The following DPP8 variants were observed in gnomAD, a reference collection of about 807,000 sequenced individuals.
The protein encoded by DPP8 is dipeptidyl peptidase 8.
DPP8 carries 31 observed loss-of-function variants against 107.5 expected under a neutral mutation model. The ratio of observed to expected loss-of-function variants is 0.29; its 90% CI spans 0.22 to 0.39. DPP8 has a LOEUF of 0.39. DPP8 is among the 10% of genes least tolerant of loss of function. The pLI, the probability that DPP8 is intolerant of heterozygous loss-of-function variation, is 1.00. For synonymous variants in DPP8, 381 were observed against 356.6 expected (o/e 1.07, Z -0.77); for missense variants, 842 against 1,076.1 (o/e 0.78, Z 3.04).
intron 12 of DPP8, among the ~76,000 whole-genome samples, chr15:65,467,586 C>A (rs2065475185): frequency 6.6e-6 from 1 of 152,104 alleles, no homozygotes; most frequent in African/African-American, 2.4e-5. Flanking sequence ...CTATGTTGCC[C>A]AAGCTGGTCT....
At chr15:65,490,113 A>AT (rs60062953) in intron 6 of DPP8, 76 bp downstream of exon 6, 744,267 of 788,096 alleles carry the variant, frequency 0.94, 351,762 homozygotes, top group Admixed American at 0.97. Context: ...AAGATTTAGA[A>AT]CTGTGCACTT....
At chr15:65,453,924 A>G (rs1194797669) in intron 17 of DPP8, among the ~76,000 whole-genome samples, 1 of 152,084 alleles carries the variant, frequency 6.6e-6, no homozygotes, top group Non-Finnish European at 1.5e-5. Context: ...CCTAGCCAAT[A>G]TGGTGAAATC....
intron 1 of DPP8, among the ~76,000 whole-genome samples, chr15:65,513,236 C>A (rs1441913290): frequency 6.8e-6 from 1 of 147,906 alleles, no homozygotes; most frequent in Non-Finnish European, 1.5e-5. Flanking sequence ...TTTTTTGAGA[C>A]GGAGTCTCGC....
chr15:65,474,280 T>C lies in DPP8; in HGVS notation c.1465A>G (p.Lys489Glu). 6.3e-7 allele frequency: 1 copy of C among 1,598,570 alleles called. No homozygotes were observed. The highest frequency in any genetic ancestry group is 8.6e-7 in the Non-Finnish European group (1 of 1,165,996). The change falls in exon 12 of 20, where the codon AAG becomes GAG. Residue 489 changes from lysine to glutamate, a missense_variant. By Grantham distance (56) the Lys-to-Glu change is moderately conservative (BLOSUM62 1). Transcript: ENST00000300141. ...SGGLPAPSDF[K>E]CPIKEEIAIT... ...GCTATCTCCTCTTTGATAGGACACT[T>C]GAAATCACCTGAAGATAAATATAAT... is the stretch of plus-strand genomic sequence containing the variant.
chr15:65,495,629 G>A lies in DPP8; in HGVS notation c.715+2235C>T, dbSNP rs566614125. Reference sequence around the variant, plus strand: ...AAAAACAAACAAACAGGCTGAGCACGGTGGCTCGTGCCTGTAATCCCAGCA... The same window carrying A: ...AAAAACAAACAAACAGGCTGAGCACAGTGGCTCGTGCCTGTAATCCCAGCA... On this transcript the variant is annotated intron_variant, in intron 5 of 19. Coordinates refer to ENST00000300141, the MANE Select transcript of DPP8 (RefSeq NM_130434.5). Among the ~76,000 whole-genome samples the A allele has an allele frequency of 6.7e-5, 10 of 149,916 alleles. No individual in the cohort carries two copies. In the East Asian group the frequency reaches 1.8e-3, roughly 27 times the overall value.
At chr15:65,478,681 T>C (rs892867931) in intron 11 of DPP8, among the ~76,000 whole-genome samples, 199 bp downstream of exon 11, 1 of 152,242 alleles carries the variant, frequency 6.6e-6, no homozygotes, top group African/African-American at 2.4e-5. Flanking sequence ...TAATACTTTA[T>C]AATACGTGTC....
intron 15 of DPP8, among the ~76,000 whole-genome samples, chr15:65,460,050 C>T (rs1197330411): frequency 6.6e-6 from 1 of 152,084 alleles, no homozygotes; most frequent in Non-Finnish European, 1.5e-5. Context: ...TTTAAGCATA[C>T]AATTCAATGA....
At chr15:65,469,020 G>A (rs981833202) in intron 12 of DPP8, among the ~76,000 whole-genome samples, 23 of 152,136 alleles carry the variant, frequency 1.5e-4, no homozygotes, top group African/African-American at 5.6e-4. Flanking sequence ...TCGTTGCCCA[G>A]GCTGGAGTGC....
At chr15:65,498,690 AC>A (rs1394269865) in intron 4 of DPP8, among the ~76,000 whole-genome samples, 9 of 152,272 alleles carry the variant, frequency 5.9e-5, no homozygotes, top group African/African-American at 1.7e-4. Context: ...AATTATTTTT[AC>A]CAATATAAAA....
intron 6 of DPP8, among the ~76,000 whole-genome samples, chr15:65,488,965 T>C (rs1029122250): frequency 3.9e-5 from 6 of 152,286 alleles, no homozygotes; most frequent in Middle Eastern, 3.4e-3. Context: ...TGTGGTTTTT[T>C]GTTTGTTTGT....
At chr15:65,495,317 T>C (rs2068472211) in intron 5 of DPP8, among the ~76,000 whole-genome samples, 2 of 152,148 alleles carry the variant, frequency 1.3e-5, no homozygotes, top group South Asian at 2.1e-4. Context: ...TATAAAACCC[T>C]ATGTCTGGCC....
chr15:65,479,441 T>C (rs2066696715), intron 10 of DPP8, among the ~76,000 whole-genome samples: 1 of 152,224 alleles, frequency 6.6e-6, no homozygotes, highest in Non-Finnish European at 1.5e-5. Flanking sequence ...CAGGTGTTCA[T>C]AGGTGAATCA....
intron 5 of DPP8, among the ~76,000 whole-genome samples, chr15:65,494,600 G>T (rs375099063): frequency 8.0e-6 from 1 of 124,672 alleles, no homozygotes; most frequent in Non-Finnish European, 1.6e-5. Context: ...CTGCAGCCCC[G>T]TGAAGACTGC....
In DPP8 at chr15:65,517,572, C is replaced by T. The variant is rs902072539; in HGVS notation, c.-98G>A. On this transcript the variant is annotated 5_prime_UTR_variant, in exon 1 of 20. Coordinates refer to ENST00000300141, the MANE Select transcript of DPP8 (RefSeq NM_130434.5). ...CATGCTGCGCCGCCTCCACTCCGGT[C>T]CTGGTTGCAGTGGCTTCCTCGGCGG... The T allele has an allele frequency of 4.6e-5, 7 of 152,410 alleles. No homozygotes were observed. The highest frequency in any genetic ancestry group is 8.8e-5 in the Non-Finnish European group (6 of 68,164). The allele number at this position is 152,410 out of a possible 1,614,324, so 9.4% of individuals were successfully genotyped here.
In DPP8 at chr15:65,515,899, T is replaced by C. The variant is rs867272666; in HGVS notation, c.-12+1587A>G. On this transcript the variant is annotated intron_variant, in intron 1 of 19. Coordinates refer to ENST00000300141, the MANE Select transcript of DPP8 (RefSeq NM_130434.5). ...AGTAGTTAAAACTGATACCAAAATATCACTTTTTGGGGCAATATATAATGC... is the reference window on the plus strand; with the variant it reads ...AGTAGTTAAAACTGATACCAAAATACCACTTTTTGGGGCAATATATAATGC... The C allele has an allele frequency of 2.0e-5, 11 of 544,464 alleles. No individual in the cohort carries two copies. In the Middle Eastern group the frequency reaches 8.1e-4, roughly 40 times the overall value. 33.7% of individuals were successfully genotyped at this position (544,464 alleles called of 1,614,324 possible).
chr15:65,501,167 G>A (rs544250930), intron 3 of DPP8, among the ~76,000 whole-genome samples: 1 of 152,146 alleles, frequency 6.6e-6, no homozygotes, highest in South Asian at 2.1e-4. Context: ...GTGAGACACC[G>A]CGCCTGGCGA....
At chr15:65,481,788 G>A (rs1385412530) in intron 8 of DPP8, among the ~76,000 whole-genome samples, 173 bp from the exon 9 acceptor site, 2 of 151,980 alleles carry the variant, frequency 1.3e-5, no homozygotes, top group African/African-American at 4.8e-5. Flanking sequence ...TACCTATACT[G>A]GTACTTAATT....
chr15:65,474,881 T>C (rs1040035217), intron 11 of DPP8, among the ~76,000 whole-genome samples: 1 of 152,194 alleles, frequency 6.6e-6, no homozygotes, highest in South Asian at 2.1e-4. Context: ...AATGGAATGA[T>C]CTATTTAGGT....
chr15:65,515,379 T>C (rs1378873670), intron 1 of DPP8, among the ~76,000 whole-genome samples: 5 of 152,190 alleles, frequency 3.3e-5, no homozygotes, highest in South Asian at 4.1e-4. Flanking sequence ...ACAAACATTG[T>C]ACAGTCCAAA....
Sources: allele counts gnomAD v4.1 joint callset (sites outside exome capture counted in the v4.1 genomes callset), GRCh38; gene constraint gnomAD v4.1.1; transcripts MANE v1.5; gene names NCBI Gene and HGNC (gene_info 2026-07-23, HGNC 2026-07-21).